Variants in DYRK4 observed in about 807,000 individuals in gnomAD.
DYRK4 encodes dual specificity tyrosine phosphorylation regulated kinase 4, also known as dual specificity tyrosine-phosphorylation-regulated kinase 4.
In DYRK4, 64 loss-of-function variants were observed where a neutral mutation model predicts 68.3. The ratio of observed to expected loss-of-function variants is 0.94; its 90% CI spans 0.77 to 1.15. The LOEUF (loss-of-function observed/expected upper bound fraction) is 1.15, where lower values mean the gene tolerates loss of function less well. Among genes scored for constraint, DYRK4 ranks in the 50% most tolerant of loss-of-function variants. The probability of loss-of-function intolerance (pLI) is 0.00; values close to 1 mark genes in which losing one functional copy is unlikely to be tolerated. For synonymous variants in DYRK4, 274 were observed against 289.9 expected (o/e 0.95, Z 0.56); for missense variants, 740 against 764.7 (o/e 0.97, Z 0.38).
rs78680766 is a variant in DYRK4 at position 4,613,375 on chromosome 12, A to G, written c.1667-140A>G. 3,706 of 1,098,846 alleles carry G rather than the reference A, an allele frequency of 3.4e-3. 83 individuals are homozygous for G. In the African/African-American group the frequency reaches 0.049, roughly 15 times the overall value. The allele number at this position is 1,098,846 out of a possible 1,614,324, so 68.1% of individuals were successfully genotyped here. A position where few individuals can be genotyped will look rare whatever the true frequency, so the allele number is the denominator to read the frequency against. On this transcript the variant is annotated intron_variant, in intron 14 of 14. Coordinates refer to ENST00000543431, the MANE Select transcript of DYRK4 (RefSeq NM_001394779.1). The surrounding 1 kb of genome is among the most constrained non-coding windows in gnomAD (Gnocchi z 4.0). The stretch of plus-strand genomic sequence containing the variant: ...CAGTGCTTAGAATAATGCCCGGCAC[A>G]TTGGAGGTGCTTTACAAATGAACTG...
chr12:4,599,257 T>C (rs1945052712), intron 9 of DYRK4, 91 bp downstream of exon 9: 2 of 978,488 alleles, frequency 2.0e-6, no homozygotes, highest in Non-Finnish European at 1.5e-6. Context: ...TCCAATCAAA[T>C]AATTGCCTTT....
At chr12:4,563,258 C>T (rs1000346524) in intron 1 of DYRK4, 1 of 412,578 alleles carries the variant, frequency 2.4e-6, no homozygotes, top group African/African-American at 2.1e-5. Context: ...TCTGTTGTTT[C>T]TCTTGTTTGT....
At chr12:4,599,507 A>C in intron 9 of DYRK4, 200 bp from the exon 10 acceptor site, 2 of 578,614 alleles carry the variant, frequency 3.5e-6, no homozygotes, top group South Asian at 4.4e-5. Flanking sequence ...AGTGACTATG[A>C]GGTCTGAATG....
intron 2 of DYRK4, 48 bp from the exon 3 acceptor site, chr12:4,588,889 G>A: frequency 6.6e-7 from 1 of 1,507,000 alleles, no homozygotes. Context: ...TACAGTGTGG[G>A]ATAAAGCCAT....
intron 2 of DYRK4, among the ~76,000 whole-genome samples, chr12:4,583,403 C>T (rs1047094262): frequency 1.3e-5 from 2 of 152,012 alleles, no homozygotes; most frequent in African/African-American, 2.4e-5. Context: ...ATCGTTCACC[C>T]GCATTTGGGC....
chr12:4,608,442 G>T (rs1945179151), intron 12 of DYRK4, among the ~76,000 whole-genome samples: 1 of 152,110 alleles, frequency 6.6e-6, no homozygotes, highest in African/African-American at 2.4e-5. Flanking sequence ...CAGTAGGAAG[G>T]TCCAAAACAC....
intron 10 of DYRK4, among the ~76,000 whole-genome samples, chr12:4,600,795 G>A (rs1945072512): frequency 6.6e-6 from 1 of 151,930 alleles, no homozygotes; most frequent in South Asian, 2.1e-4. Context: ...GCAGCTTGGG[G>A]ATTTTTATGA....
intron 6 of DYRK4, among the ~76,000 whole-genome samples, chr12:4,594,605 C>G (rs150313021): frequency 6.6e-6 from 1 of 152,296 alleles, no homozygotes; most frequent in African/African-American, 2.4e-5. Flanking sequence ...TCTGCTCCAC[C>G]CTAGCTGAGC....
At chr12:4,610,954 A>G (rs75497019) in intron 13 of DYRK4, among the ~76,000 whole-genome samples, 2,652 of 152,336 alleles carry the variant, frequency 0.017, 77 homozygotes, top group South Asian at 0.11. Flanking sequence ...AGGTAAATCT[A>G]TCTCCACAGA....
At chr12:4,606,982 G>A (rs115440350) in intron 11 of DYRK4, among the ~76,000 whole-genome samples, 49 of 152,304 alleles carry the variant, frequency 3.2e-4, no homozygotes, top group African/African-American at 1.1e-3. Flanking sequence ...GCTCCATGGT[G>A]GGATATATCA....
intron 1 of DYRK4, among the ~76,000 whole-genome samples, chr12:4,565,072 C>G (rs80042373): frequency 6.6e-6 from 1 of 152,212 alleles, no homozygotes; most frequent in African/African-American, 2.4e-5. Context: ...AACATTCACT[C>G]TAGCTCTGAG....
chr12:4,602,590 TC>T, intron 10 of DYRK4: 5 of 1,319,938 alleles, frequency 3.8e-6, no homozygotes, highest in Non-Finnish European at 5.5e-6. Context: ...AGTGACAACA[TC>T]AATCTTTGCT....
intron 2 of DYRK4, among the ~76,000 whole-genome samples, chr12:4,576,330 T>C (rs1944789360): frequency 6.6e-6 from 1 of 152,250 alleles, no homozygotes; most frequent in Non-Finnish European, 1.5e-5. Flanking sequence ...TCCATGTCTT[T>C]TCATGGCTTG....
rs189700784 is a variant in DYRK4, at chr12:4,594,290, C to G, written c.627+1125C>G. On this transcript the variant is annotated intron_variant, in intron 6 of 14. Coordinates refer to ENST00000543431, the MANE Select transcript of DYRK4 (RefSeq NM_001394779.1). ...CCAGGCTGGAGTGCAGTGGTGTGAT[C>G]ACGGCTCACTGCAACCTCCACCTCC... 4.6e-3 allele frequency among the ~76,000 whole-genome samples: 693 copies of G among 152,176 alleles called. 5 individuals are homozygous for G. The highest frequency in any genetic ancestry group is 0.015 in the African/African-American group (627 of 41,488).
chr12:4,569,752 C>T (rs1286752143), intron 2 of DYRK4, among the ~76,000 whole-genome samples: 1 of 152,124 alleles, frequency 6.6e-6, no homozygotes, highest in Non-Finnish European at 1.5e-5. Context: ...TGAGCCACCA[C>T]ACCCGACCAA....
At chr12:4,576,192 C>T (rs1188701292) in intron 2 of DYRK4, among the ~76,000 whole-genome samples, 2 of 152,198 alleles carry the variant, frequency 1.3e-5, no homozygotes, top group African/African-American at 2.4e-5. Context: ...TTCCCCCCAA[C>T]AACAAAACCC....
chr12:4,589,072 G>C, intron 3 of DYRK4, 55 bp downstream of exon 3: 1 of 1,502,892 alleles, frequency 6.7e-7, no homozygotes, highest in Non-Finnish European at 8.9e-7. Context: ...AGAGGTGGGT[G>C]GCCAGGGTAG....
rs1945051050 is a variant in DYRK4 at position 4,599,105 on chromosome 12, C to G, written c.983C>G (p.Ser328Cys). The G allele has an allele frequency of 6.2e-7, 1 of 1,613,946 alleles. No homozygotes were observed. The highest frequency in any genetic ancestry group is 8.5e-7 in the Non-Finnish European group (1 of 1,180,002). The part of the protein sequence containing the change: ...SLSIVRRFTL[S>C]VLKCLQMLSV... ...TCCATAGTTCGGCGCTTCACTCTCT[C>G]TGTTTTGAAGTGCTTGCAGATGCTT... is the stretch of plus-strand genomic sequence containing the variant. Residue 328 changes from serine to cysteine, a missense_variant, in exon 9 of 15, where the codon TCT (serine) becomes TGT (cysteine). This residue lies in a region of DYRK4 where 614 missense variants were observed against 603.7 expected (regional missense o/e 1.02). Transcript: ENST00000543431.
rs571687231 is a variant in DYRK4, at chr12:4,599,182, G to A, written c.1044+16G>A. The A allele has an allele frequency of 4.6e-5, 74 of 1,612,206 alleles. 1 individual carries two copies. The South Asian group carries it at 6.4e-4, about 14-fold the overall frequency. On this transcript the variant is annotated intron_variant, in intron 9 of 14. Transcript: ENST00000543431. ...TCTCAAGCCCGTGAGTACCATCTCC[G>A]TCCTGCCATGGACACACTCTGGAAA...
Sources: gnomAD v4.1 joint callset for allele counts (sites outside exome capture counted in the v4.1 genomes callset) on GRCh38, gnomAD v4.1.1 for gene constraint, gnomAD v4.1.1 regional missense constraint, Gnocchi (gnomAD v3.1) non-coding constraint, MANE v1.5 for transcripts, NCBI Gene and HGNC (gene_info 2026-07-23, HGNC 2026-07-21) for gene names.